ITPK1: variants seen among roughly 807,000 people sequenced by gnomAD.
ITPK1 encodes the protein inositol 1,3,4-trisphosphate 5/6-kinase.
ITPK1 carries 21 observed loss-of-function variants against 45.3 expected under a neutral mutation model. The ratio of observed to expected loss-of-function variants is 0.46; its 90% CI spans 0.33 to 0.67. The LOEUF (loss-of-function observed/expected upper bound fraction) is 0.67, where lower values mean the gene tolerates loss of function less well. ITPK1 is among the 30% of genes least tolerant of loss of function. The pLI, the probability that ITPK1 is intolerant of heterozygous loss-of-function variation, is 0.02. For missense variants in ITPK1, 474 were observed against 573.5 expected (o/e 0.83, Z 1.77); for synonymous variants, 258 against 253.6 (o/e 1.02, Z -0.16).
intron 5 of ITPK1, among the ~76,000 whole-genome samples, chr14:92,975,949 T>C (rs1885917783): frequency 6.6e-6 from 1 of 152,232 alleles, no homozygotes; most frequent in Non-Finnish European, 1.5e-5. Context: ...GATGGCTTTA[T>C]AAGGGGCTCC....
At chr14:92,968,090 G>A (rs1566703795) in intron 5 of ITPK1, among the ~76,000 whole-genome samples, 1 of 152,286 alleles carries the variant, frequency 6.6e-6, no homozygotes, top group South Asian at 2.1e-4. Context: ...AGCACTTTGG[G>A]AGGCCGAGGT....
chr14:92,941,691 C>A lies in ITPK1; in HGVS notation c.1115G>T (p.Trp372Leu). ...CGSMMGQDAPWKAEADAGGTA... is the reference protein window; with the variant it reads ...CGSMMGQDAPLKAEADAGGTA... ...GCCGCCCGCGTCGGCCTCAGCCTTC[C>A]AGGGCGCGTCCTGGCCCATCATGCT... The change falls in exon 11 of 11, where the codon TGG becomes TTG. Residue 372 changes from tryptophan to leucine, a missense_variant. Transcript: ENST00000267615. The A allele has an allele frequency of 2.6e-6, 4 of 1,554,716 alleles. No homozygotes were observed. Among genetic ancestry groups the A allele is most frequent in the Non-Finnish European group, 2.6e-6 (3 of 1,152,614 alleles).
chr14:92,982,398 T>C (rs1056746781), intron 5 of ITPK1, among the ~76,000 whole-genome samples: 3 of 152,168 alleles, frequency 2.0e-5, no homozygotes, highest in African/African-American at 7.2e-5. Context: ...ACAAGGAGAC[T>C]GGCCAGCTGT....
In ITPK1 at chr14:93,110,359, T is replaced by TA. The variant is rs1566791422; in HGVS notation, c.95+4709dup. Among the ~76,000 whole-genome samples the TA allele has an allele frequency of 5.3e-5, 8 of 152,036 alleles. No individual in the cohort carries two copies. The South Asian group carries it at 1.5e-3, about 28-fold the overall frequency. On this transcript the variant is annotated intron_variant, in intron 2 of 10. Transcript: ENST00000267615. ...TGGCAAATCCAGACATTAAAACAAA[T>TA]AAAAAAATACCCACCCACAGACCAG... is the stretch of plus-strand genomic sequence containing the variant.
At chr14:92,943,127 G>A (rs762046270) in intron 10 of ITPK1, among the ~76,000 whole-genome samples, 14 of 152,254 alleles carry the variant, frequency 9.2e-5, no homozygotes, top group East Asian at 5.8e-4. Flanking sequence ...GGCAAGCGGC[G>A]CCTCCCGAGC....
chr14:93,107,464 G>A (rs906375174), intron 2 of ITPK1, among the ~76,000 whole-genome samples: 2 of 152,214 alleles, frequency 1.3e-5, no homozygotes, highest in Non-Finnish European at 2.9e-5. Context: ...TTCTGACGGC[G>A]AGAGAGGTTT....
intron 2 of ITPK1, among the ~76,000 whole-genome samples, chr14:93,100,540 G>GAGAGAGAGAGAGAGAGAC (rs1244059203): frequency 6.8e-6 from 1 of 147,094 alleles, no homozygotes; most frequent in African/African-American, 2.5e-5. Flanking sequence ...AGAGGAGGGA[G>GAGAGAGAGAGAGAGAGAC]AGAGAGAGAG....
At chr14:92,963,521 G>A (rs886110485) in intron 5 of ITPK1, among the ~76,000 whole-genome samples, 1 of 151,938 alleles carries the variant, frequency 6.6e-6, no homozygotes, top group Non-Finnish European at 1.5e-5. Context: ...TCCAGAGGTG[G>A]CCTCCCCACC....
At chr14:93,115,707 C>T (rs1892923148) in intron 1 of ITPK1, 65 bp downstream of exon 1, 1 of 150,334 alleles carries the variant, frequency 6.7e-6, no homozygotes, top group Admixed American at 6.6e-5. Flanking sequence ...CGGGCCGTAA[C>T]CCCTGGGCGC....
intron 10 of ITPK1, among the ~76,000 whole-genome samples, chr14:92,944,897 C>T (rs529084131): frequency 1.1e-4 from 16 of 152,294 alleles, no homozygotes; most frequent in East Asian, 7.7e-4. Context: ...ACAGATCTCA[C>T]GGTGGCTGCT....
chr14:92,962,715 G>A (rs2295392), intron 6 of ITPK1, 36 bp downstream of exon 6: 281,396 of 1,499,794 alleles, frequency 0.19, 28,057 homozygotes, highest in East Asian at 0.31. Context: ...GCGGTCTACA[G>A]CGCCTGCCCT....
chr14:92,995,509 G>C (rs950468646), intron 4 of ITPK1, among the ~76,000 whole-genome samples: 3 of 152,216 alleles, frequency 2.0e-5, no homozygotes, highest in Non-Finnish European at 4.4e-5. Context: ...CCTCTCCTTG[G>C]ATTTCGCGGC....
intron 3 of ITPK1, among the ~76,000 whole-genome samples, chr14:93,038,517 G>A (rs1889415703): frequency 1.3e-5 from 2 of 152,118 alleles, no homozygotes; most frequent in Non-Finnish European, 2.9e-5. Context: ...TGGGATATAT[G>A]TGGGTTTTTG....
intron 2 of ITPK1, among the ~76,000 whole-genome samples, chr14:93,093,317 C>T (rs918619910): frequency 6.6e-6 from 1 of 152,224 alleles, no homozygotes; most frequent in Non-Finnish European, 1.5e-5. Flanking sequence ...CTCTGCCCTG[C>T]CCCAGCGGCC....
At chr14:93,050,093 G>A (rs1392468042) in intron 3 of ITPK1, among the ~76,000 whole-genome samples, 1 of 152,186 alleles carries the variant, frequency 6.6e-6, no homozygotes, top group East Asian at 1.9e-4. Context: ...AGGCCAGGGG[G>A]CAGCAGGCCG....
At chr14:92,965,210 G>A (rs995929475) in intron 5 of ITPK1, among the ~76,000 whole-genome samples, 1 of 152,208 alleles carries the variant, frequency 6.6e-6, no homozygotes, top group Non-Finnish European at 1.5e-5. Flanking sequence ...AACAATAGCA[G>A]TGTCAACACA....
intron 4 of ITPK1, among the ~76,000 whole-genome samples, chr14:93,001,725 C>G (rs1455884539): frequency 1.3e-5 from 2 of 152,178 alleles, no homozygotes; most frequent in African/African-American, 4.8e-5. Flanking sequence ...AAAGTACTCA[C>G]AGGGGCTTTC....
At chr14:93,088,606 T>G (rs1222987888) in intron 2 of ITPK1, among the ~76,000 whole-genome samples, 1 of 152,124 alleles carries the variant, frequency 6.6e-6, no homozygotes, top group African/African-American at 2.4e-5. Flanking sequence ...TCTGCCTGCC[T>G]TGGCCCCCCA....
At chr14:92,981,689 C>G (rs1886236708) in intron 5 of ITPK1, among the ~76,000 whole-genome samples, 1 of 152,234 alleles carries the variant, frequency 6.6e-6, no homozygotes. Context: ...CTGTCATGGT[C>G]CCCAAAGACA....
Sources: gnomAD v4.1 joint callset for allele counts (sites outside exome capture counted in the v4.1 genomes callset) on GRCh38, gnomAD v4.1.1 for gene constraint, MANE v1.5 for transcripts, NCBI Gene and HGNC (gene_info 2026-07-23, HGNC 2026-07-21) for gene names.